Variants in GRID2 observed in about 807,000 individuals in gnomAD.
GRID2 encodes glutamate ionotropic receptor delta type subunit 2.
GRID2 carries 33 observed loss-of-function variants against 114.8 expected under a neutral mutation model. That is an observed-to-expected ratio of 0.29 (90% CI 0.22 to 0.38). The LOEUF is 0.38. Ranked by LOEUF, GRID2 falls within the 10% of genes least tolerant of loss-of-function variation. The pLI is 1.00. For missense variants in GRID2, 1,184 were observed against 1,257.7 expected, an observed-to-expected ratio of 0.94 and a Z score of 0.89; for synonymous variants, 505 against 449.9, an observed-to-expected ratio of 1.12 and a Z score of -1.55.
intron 14 of GRID2, among the ~76,000 whole-genome samples, chr4:93,686,629 C>T (rs79541668): frequency 9.2e-5 from 14 of 152,000 alleles, no homozygotes; most frequent in Admixed American, 2.0e-4. Flanking sequence ...AATTTTAAAA[C>T]GGACAGTTAG....
At chr4:92,518,315 G>C (rs1374842243) in intron 1 of GRID2, among the ~76,000 whole-genome samples, 2 of 151,766 alleles carry the variant, frequency 1.3e-5, no homozygotes, top group South Asian at 2.1e-4. Context: ...AGATACAAAA[G>C]CTCAGAATAT....
intron 13 of GRID2, among the ~76,000 whole-genome samples, chr4:93,544,815 A>G (rs1377138378): frequency 2.0e-5 from 3 of 151,940 alleles, no homozygotes; most frequent in Non-Finnish European, 4.4e-5. Context: ...AAAAAGAAAT[A>G]AATAGATTAA....
At chr4:93,205,657 C>A (rs1579286954) in intron 4 of GRID2, among the ~76,000 whole-genome samples, 1 of 152,162 alleles carries the variant, frequency 6.6e-6, no homozygotes, top group South Asian at 2.1e-4. Context: ...ATTTATAATC[C>A]TTTGGGTATA....
intron 8 of GRID2, among the ~76,000 whole-genome samples, chr4:93,351,466 C>T (rs1007913553): frequency 3.3e-5 from 5 of 152,036 alleles, no homozygotes; most frequent in African/African-American, 9.7e-5. Flanking sequence ...CTGATATATA[C>T]ACTTCTGAAT....
At chr4:92,921,481 T>A (rs1486675598) in intron 2 of GRID2, among the ~76,000 whole-genome samples, 2 of 152,326 alleles carry the variant, frequency 1.3e-5, no homozygotes, top group East Asian at 1.9e-4. Flanking sequence ...TGTGGTTTTA[T>A]CTACCTTTGG....
chr4:92,702,559 T>C (rs1734735408), intron 2 of GRID2: 1 of 152,066 alleles, frequency 6.6e-6, no homozygotes. Flanking sequence ...CTTTACACTA[T>C]TGCTCCAACC....
intron 4 of GRID2, among the ~76,000 whole-genome samples, chr4:93,165,678 C>T (rs903122094): frequency 6.6e-6 from 1 of 152,098 alleles, no homozygotes; most frequent in African/African-American, 2.4e-5. Context: ...AGAGTATCTG[C>T]TTTTTCATAT....
chr4:92,611,762 T>A (rs1729755240), intron 2 of GRID2, among the ~76,000 whole-genome samples: 1 of 151,616 alleles, frequency 6.6e-6, no homozygotes, highest in South Asian at 2.1e-4. Context: ...TTAGTGACAT[T>A]GAGTATCTTT....
At chr4:92,918,778 T>C (rs1048426905) in intron 2 of GRID2, among the ~76,000 whole-genome samples, 3 of 152,180 alleles carry the variant, frequency 2.0e-5, no homozygotes, top group African/African-American at 4.8e-5. Flanking sequence ...GATTTTTGCA[T>C]TGATGTTCAT....
chr4:92,810,345 C>T (rs1740611441), intron 2 of GRID2, among the ~76,000 whole-genome samples: 1 of 151,656 alleles, frequency 6.6e-6, no homozygotes, highest in African/African-American at 2.4e-5. Flanking sequence ...GGAATTATAG[C>T]ACACTTTAAG....
intron 11 of GRID2, among the ~76,000 whole-genome samples, chr4:93,473,968 A>C (rs1198383619): frequency 1.3e-5 from 2 of 152,178 alleles, no homozygotes; most frequent in Non-Finnish European, 2.9e-5. Flanking sequence ...AAAGGAAAGC[A>C]AAAATATAAC....
intron 1 of GRID2, among the ~76,000 whole-genome samples, chr4:92,361,423 T>A (rs143124162): frequency 6.6e-6 from 1 of 152,122 alleles, no homozygotes; most frequent in African/African-American, 2.4e-5. Flanking sequence ...GTATGTAAAT[T>A]GTATATCAGA....
At chr4:93,144,136 G>C (rs541376643) in intron 4 of GRID2, among the ~76,000 whole-genome samples, 1 of 152,220 alleles carries the variant, frequency 6.6e-6, no homozygotes, top group South Asian at 2.1e-4. Context: ...TTTCTAACAA[G>C]TTGCCAGGAG....
At chr4:93,341,520 G>A (rs1271925493) in intron 8 of GRID2, among the ~76,000 whole-genome samples, 1 of 152,030 alleles carries the variant, frequency 6.6e-6, no homozygotes, top group African/African-American at 2.4e-5. Flanking sequence ...ATGGGGTTTT[G>A]CCATGTTGGC....
chr4:93,300,904 C>T (rs1044281473), intron 8 of GRID2, among the ~76,000 whole-genome samples: 3 of 152,124 alleles, frequency 2.0e-5, no homozygotes, highest in Non-Finnish European at 4.4e-5. Flanking sequence ...AGAAACAGAA[C>T]AGGGCAGGGA....
At chr4:92,468,327 TA>T (rs1312398453) in intron 1 of GRID2, among the ~76,000 whole-genome samples, 1 of 151,862 alleles carries the variant, frequency 6.6e-6, no homozygotes, top group African/African-American at 2.4e-5. Context: ...ACTTTTCCAA[TA>T]TTACCCTGCT....
intron 2 of GRID2, among the ~76,000 whole-genome samples, chr4:93,025,461 C>T (rs1723794021): frequency 6.6e-6 from 1 of 151,648 alleles, no homozygotes; most frequent in Admixed American, 6.6e-5. Context: ...GAATTTGTTT[C>T]ATCTACTTTT....
chr4:92,494,220 T>G (rs1249551728), intron 1 of GRID2, among the ~76,000 whole-genome samples: 1 of 152,084 alleles, frequency 6.6e-6, no homozygotes, highest in South Asian at 2.1e-4. Flanking sequence ...GAACTTGGTT[T>G]TTTTGTTTAT....
chr4:92,339,791 G>A (rs555082240), intron 1 of GRID2, among the ~76,000 whole-genome samples: 1 of 152,096 alleles, frequency 6.6e-6, no homozygotes, highest in Non-Finnish European at 1.5e-5. Context: ...AATAAAACTC[G>A]AAGAAGTTCT....
Sources: allele counts gnomAD v4.1 joint callset (sites outside exome capture counted in the v4.1 genomes callset), GRCh38; gene constraint gnomAD v4.1.1; transcripts MANE v1.5; gene names NCBI Gene and HGNC (gene_info 2026-07-23, HGNC 2026-07-21).